Variants in CDH19 observed in about 807,000 individuals in gnomAD.
CDH19 encodes cadherin 19, also known as cadherin-19.
CDH19 carries 67 observed loss-of-function variants against 64.2 expected under a neutral mutation model. That is an observed-to-expected ratio of 1.04 (90% CI 0.86 to 1.28). The LOEUF (loss-of-function observed/expected upper bound fraction) is 1.28. Ranked by LOEUF, CDH19 falls within the 50% of genes most tolerant of loss-of-function variation. The pLI is 0.00. For synonymous variants in CDH19, 346 were observed against 319.3 expected, an observed-to-expected ratio of 1.08 and a Z score of -0.89; for missense variants, 1,030 against 929.0, an observed-to-expected ratio of 1.11 and a Z score of -1.41.
At position 66,595,749 on chromosome 18, in the gene CDH19, G is replaced by A. The variant is rs1031142154; in HGVS notation, c.-113+8205C>T. Among the ~76,000 whole-genome samples, 5 of 152,148 alleles carry A rather than the reference G, an allele frequency of 3.3e-5. No homozygotes were observed. The East Asian group carries it at 9.7e-4, about 29-fold the overall frequency. On this transcript the variant is annotated intron_variant, in intron 1 of 11. Transcript: ENST00000262150. ...TATACCAGATACTATAAAGAAGACG[G>A]GGTATCAATTTTACTGAAACTATTT...
chr18:66,575,204 A>AT (rs1378953328), intron 1 of CDH19, among the ~76,000 whole-genome samples: 2 of 151,766 alleles, frequency 1.3e-5, no homozygotes, highest in East Asian at 3.9e-4. Context: ...AAACTAAGTC[A>AT]TTTTTTATGG....
intron 7 of CDH19, among the ~76,000 whole-genome samples, chr18:66,542,740 G>A (rs547354591): frequency 2.0e-5 from 3 of 152,064 alleles, no homozygotes; most frequent in East Asian, 1.9e-4. Context: ...TCTGAGCTCC[G>A]CCTCTTCTCA....
intron 2 of CDH19, among the ~76,000 whole-genome samples, 155 bp from the exon 3 acceptor site, chr18:66,568,865 G>C (rs764563371): frequency 6.6e-6 from 1 of 151,620 alleles, no homozygotes; most frequent in Non-Finnish European, 1.5e-5. Flanking sequence ...TTAATATCAA[G>C]ATTAAAATCT....
chr18:66,531,868 C>G (rs1209435527), intron 8 of CDH19, among the ~76,000 whole-genome samples: 1 of 152,106 alleles, frequency 6.6e-6, no homozygotes, highest in African/African-American at 2.4e-5. Context: ...ATTAAGAGTA[C>G]TTAGTACATA....
intron 9 of CDH19, among the ~76,000 whole-genome samples, chr18:66,521,522 ATTTT>A (rs1410229973): frequency 3.9e-5 from 3 of 77,328 alleles, no homozygotes; most frequent in Non-Finnish European, 3.0e-5. Flanking sequence ...TTATTTATTT[ATTTT>A]GTTTGTTTGT....
At chr18:66,598,871 T>C (rs1353091465) in intron 1 of CDH19, among the ~76,000 whole-genome samples, 1 of 151,998 alleles carries the variant, frequency 6.6e-6, no homozygotes, top group Non-Finnish European at 1.5e-5. Flanking sequence ...TATAATAAAA[T>C]ATAGAATACT....
At chr18:66,544,997 G>A (rs1418283997) in intron 5 of CDH19, 94 bp from the exon 6 acceptor site, 8 of 958,862 alleles carry the variant, frequency 8.3e-6, no homozygotes, top group Admixed American at 3.1e-5. Context: ...TTGTTTTTTC[G>A]AGACGGAGTC....
intron 5 of CDH19, among the ~76,000 whole-genome samples, chr18:66,549,513 T>C (rs1489522673): frequency 6.6e-6 from 1 of 152,144 alleles, no homozygotes; most frequent in Non-Finnish European, 1.5e-5. Context: ...AGACAACATA[T>C]GTATCATATA....
At chr18:66,589,949 T>C (rs897163492) in intron 1 of CDH19, among the ~76,000 whole-genome samples, 3 of 149,522 alleles carry the variant, frequency 2.0e-5, no homozygotes, top group Non-Finnish European at 4.5e-5. Context: ...CTTTAACAAA[T>C]GAACAAATAT....
Position 66,522,920 on chromosome 18 carries a change from A to T in CDH19, c.1458+6925T>A, listed in dbSNP as rs919251900. Among the ~76,000 whole-genome samples the T allele has an allele frequency of 1.1e-4, 17 of 151,948 alleles. No homozygotes were observed. In the East Asian group the frequency reaches 1.7e-3, roughly 16 times the overall value. On this transcript the variant is annotated intron_variant, in intron 9 of 11. Transcript: ENST00000262150. Reference sequence around the variant, plus strand: ...AAATTATTTTTAATAGTTACAATTTAAAAAACCCTCTGAAAAATTGATACC... The same window carrying T: ...AAATTATTTTTAATAGTTACAATTTTAAAAACCCTCTGAAAAATTGATACC...
intron 3 of CDH19, among the ~76,000 whole-genome samples, chr18:66,566,115 T>C (rs888006261): frequency 6.6e-6 from 1 of 151,956 alleles, no homozygotes; most frequent in African/African-American, 2.4e-5. Flanking sequence ...AATGGCAGTA[T>C]TGTACCTCCT....
At chr18:66,586,070 T>C (rs1298490917) in intron 1 of CDH19, among the ~76,000 whole-genome samples, 1 of 152,094 alleles carries the variant, frequency 6.6e-6, no homozygotes, top group Non-Finnish European at 1.5e-5. Flanking sequence ...AATTATTCCA[T>C]CTGTGAAAAC....
intron 11 of CDH19, among the ~76,000 whole-genome samples, chr18:66,507,188 A>C (rs935019472): frequency 6.6e-5 from 10 of 151,932 alleles, no homozygotes; most frequent in Non-Finnish European, 1.2e-4. Flanking sequence ...TTGCTTCTGG[A>C]TCTAGCTATG....
chr18:66,539,844 G>A (rs535194), intron 7 of CDH19, among the ~76,000 whole-genome samples: 6,302 of 151,992 alleles, frequency 0.041, 423 homozygotes, highest in African/African-American at 0.14. Context: ...GTATGCATGT[G>A]TATGTATACA....
chr18:66,519,975 GGAGATGGAGACCATCCTGGCTAACATGGT>G (rs1230382940), intron 9 of CDH19, among the ~76,000 whole-genome samples: 1 of 152,026 alleles, frequency 6.6e-6, no homozygotes, highest in African/African-American at 2.4e-5. Context: ...CACGAGGTCA[GGAGATGGAGACCATCCTGGCTAACATGGT>G]GAAACCCCAT....
intron 1 of CDH19, among the ~76,000 whole-genome samples, chr18:66,574,694 A>G (rs1988214030): frequency 6.6e-6 from 1 of 151,742 alleles, no homozygotes; most frequent in East Asian, 1.9e-4. Flanking sequence ...GTTTAACAAA[A>G]CTTAAGCACA....
intron 1 of CDH19, among the ~76,000 whole-genome samples, chr18:66,588,783 T>G (rs1988657368): frequency 6.6e-6 from 1 of 151,728 alleles, no homozygotes; most frequent in African/African-American, 2.4e-5. Flanking sequence ...AAATTGGTTT[T>G]ATTACACAGT....
intron 5 of CDH19, among the ~76,000 whole-genome samples, chr18:66,546,277 G>C (rs994185567): frequency 2.0e-5 from 3 of 152,072 alleles, no homozygotes; most frequent in African/African-American, 7.2e-5. Context: ...TACATTTTTA[G>C]AGCAGAAGTT....
At chr18:66,584,029 G>T (rs907096729) in intron 1 of CDH19, among the ~76,000 whole-genome samples, 1 of 152,016 alleles carries the variant, frequency 6.6e-6, no homozygotes, top group Non-Finnish European at 1.5e-5. Flanking sequence ...AAGAATCCCT[G>T]CACAGCAAAA....
Sources: gnomAD v4.1 joint callset for allele counts (sites outside exome capture counted in the v4.1 genomes callset) on GRCh38, gnomAD v4.1.1 for gene constraint, MANE v1.5 for transcripts, NCBI Gene and HGNC (gene_info 2026-07-23, HGNC 2026-07-21) for gene names.